GSE1: variants seen among roughly 807,000 people sequenced by gnomAD.
GSE1 encodes Gse1 coiled-coil protein.
Under a neutral mutation model 112.6 loss-of-function variants are expected in GSE1, and 32 were observed. That is an observed-to-expected ratio of 0.28 (90% CI 0.21 to 0.38). The LOEUF (loss-of-function observed/expected upper bound fraction) is 0.38. Among genes scored for constraint, GSE1 ranks in the 10% least tolerant of loss-of-function variants. The pLI is 1.00. For missense variants in GSE1, 2,348 were observed against 1,699.2 expected (o/e 1.38, Z -6.71); for synonymous variants, 1,115 against 735.6 (o/e 1.52, Z -8.35).
rs145070502 is a variant in GSE1, at chr16:85,544,195, G to A, written c.2465-89719G>A. Among the ~76,000 whole-genome samples, 608 of 152,234 alleles carry A rather than the reference G, an allele frequency of 4.0e-3. 5 individuals carry two copies. Among genetic ancestry groups the A allele is most frequent in the African/African-American group, 0.014 (577 of 41,538 alleles). ...TATTGACATCTCGTGGGTCGAGGCCGGGGATGTTGCTAAACATCCTGCAAT... is the reference window on the plus strand; with the variant it reads ...TATTGACATCTCGTGGGTCGAGGCCAGGGATGTTGCTAAACATCCTGCAAT... On this transcript the variant is annotated intron_variant, in intron 2 of 2. Coordinates refer to the GSE1 transcript ENST00000637419.
chr16:85,452,996 CTG>C (rs1479481636), intron 2 of GSE1, among the ~76,000 whole-genome samples: 3 of 152,170 alleles, frequency 2.0e-5, no homozygotes, highest in Non-Finnish European at 4.4e-5. Flanking sequence ...GGCAATTTGC[CTG>C]TGTTTTGGTT....
intron 1 of GSE1, among the ~76,000 whole-genome samples, chr16:85,605,874 G>T (rs914894918): frequency 1.3e-5 from 2 of 151,482 alleles, no homozygotes; most frequent in African/African-American, 4.9e-5. Context: ...CGGCCCAGGA[G>T]CTGAGACTGC....
At chr16:85,233,492 A>G (rs189040029) in intron 1 of GSE1, among the ~76,000 whole-genome samples, 4 of 152,296 alleles carry the variant, frequency 2.6e-5, no homozygotes, top group African/African-American at 7.2e-5. Context: ...TGACAGCTGC[A>G]TATGCACACA....
chr16:85,335,883 T>A (rs986172735), intron 1 of GSE1, among the ~76,000 whole-genome samples: 4 of 152,148 alleles, frequency 2.6e-5, no homozygotes, highest in African/African-American at 9.7e-5. Flanking sequence ...GTGTGGAGTT[T>A]CCCTGCCACC....
chr16:85,331,962 G>T (rs2046384927), intron 1 of GSE1, among the ~76,000 whole-genome samples: 1 of 152,078 alleles, frequency 6.6e-6, no homozygotes, highest in Admixed American at 6.5e-5. Context: ...GGAGGAAGGG[G>T]TGTGTACACC....
chr16:85,565,751 G>A (rs911906847), intron 1 of GSE1, among the ~76,000 whole-genome samples: 2 of 152,226 alleles, frequency 1.3e-5, no homozygotes, highest in Non-Finnish European at 2.9e-5. Flanking sequence ...AGCAGGCTGT[G>A]GGGTGAGCGG....
chr16:85,495,658 T>C (rs559748371), intron 2 of GSE1, among the ~76,000 whole-genome samples: 1 of 150,160 alleles, frequency 6.7e-6, no homozygotes, highest in South Asian at 2.2e-4. Context: ...GTCTAGCTAA[T>C]TTTTTAAAAA....
intron 2 of GSE1, among the ~76,000 whole-genome samples, chr16:85,435,771 C>T (rs1287966287): frequency 1.3e-5 from 2 of 152,184 alleles, no homozygotes; most frequent in African/African-American, 4.8e-5. Context: ...CTGTGTGTAC[C>T]TCAATTTCCT....
intron 1 of GSE1, chr16:85,283,445 G>A (rs558221024): frequency 6.5e-6 from 1 of 152,730 alleles, no homozygotes; most frequent in East Asian, 1.9e-4. Flanking sequence ...CACGCACCTT[G>A]TTCTGGAGCG....
At chr16:85,408,195 C>A (rs1186896692) in intron 2 of GSE1, among the ~76,000 whole-genome samples, 4 of 28,818 alleles carry the variant, frequency 1.4e-4, no homozygotes, top group African/African-American at 2.2e-4. Context: ...ACTCAGGCCC[C>A]CCTGGATAAT....
intron 7 of GSE1, 74 bp downstream of exon 7, chr16:85,656,739 C>A: frequency 7.0e-7 from 1 of 1,435,314 alleles, no homozygotes. Context: ...ATCGCAGCAC[C>A]TGCCGGTTGC....
At chr16:85,171,145 C>T (rs940418427) in exon 1 of GSE1, 2 of 985,544 alleles carry the variant, frequency 2.0e-6, no homozygotes, top group East Asian at 1.1e-4. Flanking sequence ...CTTCAGCGTC[C>T]TGGAGGATGT....
chr16:85,324,796 C>T (rs1567688443), intron 1 of GSE1, among the ~76,000 whole-genome samples: 3 of 151,708 alleles, frequency 2.0e-5, no homozygotes, highest in Admixed American at 1.3e-4. Context: ...CTGGGGAAGG[C>T]GATTCCGTCG....
intron 1 of GSE1, among the ~76,000 whole-genome samples, chr16:85,615,814 C>A (rs1051993789): frequency 2.2e-4 from 33 of 152,348 alleles, no homozygotes; most frequent in African/African-American, 7.7e-4. Context: ...CCAGTTAAGC[C>A]ACAGCCTCTG....
intron 2 of GSE1, among the ~76,000 whole-genome samples, chr16:85,413,081 G>A (rs547730982): frequency 1.3e-5 from 2 of 152,308 alleles, no homozygotes; most frequent in African/African-American, 2.4e-5. Flanking sequence ...AGCCCCTGCT[G>A]CTCTGCTTGT....
rs539862990 is a variant in GSE1, at chr16:85,356,934, G to A, written c.2284-529G>A. On this transcript the variant is annotated intron_variant, in intron 1 of 2. Coordinates refer to the GSE1 transcript ENST00000637419. ...CCCAGTCTGGAAGAGAGCATCCCCCGGGGGTACTCAGATGAGGGCCTTTCC... is the reference window on the plus strand; with the variant it reads ...CCCAGTCTGGAAGAGAGCATCCCCCAGGGGTACTCAGATGAGGGCCTTTCC... Among the ~76,000 whole-genome samples, 5 of 152,270 alleles carry A rather than the reference G, an allele frequency of 3.3e-5. No homozygotes were observed. The South Asian group carries it at 6.3e-4, about 19-fold the overall frequency.
chr16:85,533,021 G>T (rs776719579), intron 2 of GSE1, among the ~76,000 whole-genome samples: 3 of 152,194 alleles, frequency 2.0e-5, no homozygotes, highest in Non-Finnish European at 4.4e-5. Context: ...GTCGGCCGCT[G>T]CCTGTCAACA....
At chr16:85,633,223 C>T (rs1474759256) in intron 1 of GSE1, among the ~76,000 whole-genome samples, 1 of 152,184 alleles carries the variant, frequency 6.6e-6, no homozygotes, top group African/African-American at 2.4e-5. Flanking sequence ...GTGTTCTTCC[C>T]CACCGCTCCC....
intron 8 of GSE1, among the ~76,000 whole-genome samples, chr16:85,660,713 G>A (rs1475368339): frequency 6.6e-6 from 1 of 151,780 alleles, no homozygotes; most frequent in Non-Finnish European, 1.5e-5. Flanking sequence ...TCACTGCAAC[G>A]TCTGCCTCCT....
Sources: gnomAD v4.1 joint callset for allele counts (sites outside exome capture counted in the v4.1 genomes callset) on GRCh38, gnomAD v4.1.1 for gene constraint, MANE v1.5 for transcripts, NCBI Gene and HGNC (gene_info 2026-07-23, HGNC 2026-07-21) for gene names.